The following PIBF1 variants were observed in gnomAD, a reference collection of about 807,000 sequenced individuals.
PIBF1 encodes the protein progesterone-induced-blocking factor 1.
In PIBF1, 90 loss-of-function variants were observed where a neutral mutation model predicts 112.5. The observed-to-expected ratio is 0.80, with a 90% CI of 0.67 to 0.95. The LOEUF (loss-of-function observed/expected upper bound fraction) is 0.95, where lower values mean the gene tolerates loss of function less well. Among genes scored for constraint, PIBF1 ranks in the 40% least tolerant of loss-of-function variants. The pLI is 0.00. For missense variants in PIBF1, 915 were observed against 852.3 expected (o/e 1.07, Z -0.92); for synonymous variants, 301 against 288.6 (o/e 1.04, Z -0.44).
rs1491281184 is a variant in PIBF1, at chr13:72,832,071, C to CTTTTTTT, written c.1098-3172_1098-3171insTTTTTTT. Among the ~76,000 whole-genome samples, 10 of 59,494 alleles carry CTTTTTTT rather than the reference C, an allele frequency of 1.7e-4. 5 individuals are homozygous for CTTTTTTT. Among genetic ancestry groups the CTTTTTTT allele is most frequent in the African/African-American group, 2.2e-4 (4 of 17,832 alleles). The allele number at this position is 59,494 out of a possible 152,430, so 39.0% of individuals were successfully genotyped here. On this transcript the variant is annotated intron_variant, in intron 8 of 17. Coordinates refer to ENST00000326291, the MANE Select transcript of PIBF1 (RefSeq NM_006346.4). ...TCAGAGATTAGAATTGCAATTCCGG[C>CTTTTTTT]CTTTTTTTTTTTTTTTTTTTTTTTT...
At chr13:72,851,482 G>A (rs2038151784) in intron 9 of PIBF1, among the ~76,000 whole-genome samples, 1 of 152,210 alleles carries the variant, frequency 6.6e-6, no homozygotes, top group African/African-American at 2.4e-5. Context: ...TGACAAGCAC[G>A]GAAGGGAGGC....
intron 8 of PIBF1, among the ~76,000 whole-genome samples, chr13:72,833,643 GCCAGATGCCAA>G (rs1382554441): frequency 6.6e-6 from 1 of 152,162 alleles, no homozygotes; most frequent in Non-Finnish European, 1.5e-5. Flanking sequence ...AGGGGCACCT[GCCAGATGCCAA>G]CCAGAGCTCT....
At chr13:72,890,372 A>G (rs953533598) in intron 10 of PIBF1, among the ~76,000 whole-genome samples, 4 of 151,998 alleles carry the variant, frequency 2.6e-5, no homozygotes, top group South Asian at 2.1e-4. Flanking sequence ...ACCCTTTAAC[A>G]TTTTTTCTCC....
At chr13:72,879,516 T>C (rs1006868673) in intron 10 of PIBF1, among the ~76,000 whole-genome samples, 13 of 152,214 alleles carry the variant, frequency 8.5e-5, no homozygotes, top group African/African-American at 3.1e-4. Flanking sequence ...TGGAGAGGGC[T>C]CCAAATGACC....
intron 10 of PIBF1, among the ~76,000 whole-genome samples, chr13:72,868,379 G>A (rs2138411875): frequency 6.6e-6 from 1 of 151,686 alleles, no homozygotes; most frequent in South Asian, 2.1e-4. Flanking sequence ...ATCCTAGTCT[G>A]ATAGGCTATC....
intron 10 of PIBF1, among the ~76,000 whole-genome samples, chr13:72,876,491 G>A (rs1227403576): frequency 6.6e-6 from 1 of 151,992 alleles, no homozygotes; most frequent in East Asian, 1.9e-4. Context: ...GATTTTGATT[G>A]GGATTACGTT....
chr13:72,821,366 C>T (rs1374784045), intron 5 of PIBF1, among the ~76,000 whole-genome samples: 1 of 152,102 alleles, frequency 6.6e-6, no homozygotes, highest in Non-Finnish European at 1.5e-5. Flanking sequence ...CACACGATTC[C>T]TTTTTTTCTG....
chr13:73,007,809 CAA>C (rs34084112), intron 17 of PIBF1, among the ~76,000 whole-genome samples: 40,567 of 135,758 alleles, frequency 0.3, 6,543 homozygotes, highest in South Asian at 0.51. Context: ...AACTCCATCT[CAA>C]AAAAAAAAAA....
intron 14 of PIBF1, among the ~76,000 whole-genome samples, chr13:72,941,702 TG>T (rs2042013010): frequency 6.6e-6 from 1 of 152,214 alleles, no homozygotes; most frequent in Non-Finnish European, 1.5e-5. Context: ...TTGCTAGATT[TG>T]AAAGAGGCGT....
At chr13:72,828,592 C>G (rs1437533852) in intron 8 of PIBF1, among the ~76,000 whole-genome samples, 1 of 152,112 alleles carries the variant, frequency 6.6e-6, no homozygotes, top group East Asian at 1.9e-4. Flanking sequence ...CATGTCCCTG[C>G]AAAGGACATG....
At chr13:72,914,677 G>A (rs967689199) in intron 12 of PIBF1, among the ~76,000 whole-genome samples, 3 of 152,080 alleles carry the variant, frequency 2.0e-5, no homozygotes, top group African/African-American at 7.2e-5. Context: ...TCAAACTCCT[G>A]GGCTCAAGTG....
chr13:72,816,424 G>A (rs897862316), intron 5 of PIBF1, among the ~76,000 whole-genome samples: 1 of 152,144 alleles, frequency 6.6e-6, no homozygotes, highest in African/African-American at 2.4e-5. Flanking sequence ...AGCACTTTTG[G>A]GGCTGAGGCG....
At chr13:72,923,519 T>C (rs565207970) in intron 13 of PIBF1, among the ~76,000 whole-genome samples, 1 of 152,344 alleles carries the variant, frequency 6.6e-6, no homozygotes, top group South Asian at 2.1e-4. Flanking sequence ...ATTAATGTAT[T>C]AATTACAAAG....
At chr13:72,857,665 C>A (rs1016575358) in intron 10 of PIBF1, among the ~76,000 whole-genome samples, 2 of 152,150 alleles carry the variant, frequency 1.3e-5, no homozygotes, top group African/African-American at 4.8e-5. Flanking sequence ...ATGGCAAAAC[C>A]CTGTCTCTAC....
intron 14 of PIBF1, among the ~76,000 whole-genome samples, chr13:72,941,423 C>G (rs2042004325): frequency 6.6e-6 from 1 of 152,142 alleles, no homozygotes; most frequent in Admixed American, 6.6e-5. Flanking sequence ...TGCCTCAAAC[C>G]TTGATATATG....
intron 14 of PIBF1, among the ~76,000 whole-genome samples, chr13:72,933,488 C>T (rs1012663760): frequency 1.6e-4 from 25 of 152,144 alleles, no homozygotes; most frequent in African/African-American, 6.0e-4. Context: ...ATGGTGGAAC[C>T]CTGTCTCTAC....
chr13:72,868,123 A>AC (rs923973386), intron 10 of PIBF1, among the ~76,000 whole-genome samples: 10 of 152,078 alleles, frequency 6.6e-5, no homozygotes, highest in African/African-American at 2.4e-4. Context: ...ACAAAGTGAG[A>AC]CCCCATCTCT....
chr13:72,839,924 A>G (rs2037531361), intron 9 of PIBF1, among the ~76,000 whole-genome samples: 1 of 152,076 alleles, frequency 6.6e-6, no homozygotes, highest in Non-Finnish European at 1.5e-5. Context: ...AATGGACACT[A>G]CCTAACCAGG....
chr13:72,961,793 T>C (rs1311849484), intron 14 of PIBF1, among the ~76,000 whole-genome samples: 1 of 152,140 alleles, frequency 6.6e-6, no homozygotes, highest in East Asian at 1.9e-4. Context: ...AGTTTTGTAG[T>C]GACATACAAT....
Sources: gnomAD v4.1 joint callset for allele counts (sites outside exome capture counted in the v4.1 genomes callset) on GRCh38, gnomAD v4.1.1 for gene constraint, MANE v1.5 for transcripts, NCBI Gene and HGNC (gene_info 2026-07-23, HGNC 2026-07-21) for gene names.